Variants in MMP17 observed in about 807,000 individuals in gnomAD.
MMP17 encodes the protein matrix metallopeptidase 17, also known as matrix metalloproteinase-17.
A neutral mutation model predicts 49.1 loss-of-function variants in MMP17; 54 were observed. The ratio of observed to expected loss-of-function variants is 1.10; its 90% CI spans 0.88 to 1.38. The LOEUF is 1.38. MMP17 is among the 40% of genes most tolerant of loss of function. The pLI, the probability that MMP17 is intolerant of heterozygous loss-of-function variation, is 0.00. For synonymous variants in MMP17, 397 were observed against 383.1 expected (o/e 1.04, Z -0.42); for missense variants, 837 against 853.7 (o/e 0.98, Z 0.24).
chr12:131,841,543 C>G, intron 4 of MMP17, 81 bp from the exon 5 acceptor site: 1 of 1,452,870 alleles, frequency 6.9e-7, no homozygotes, highest in Non-Finnish European at 9.6e-7. Flanking sequence ...CACCCCAGAG[C>G]ATGGTGGGGG....
chr12:131,847,187 C>T (rs756075259), intron 8 of MMP17, among the ~76,000 whole-genome samples: 48 of 151,296 alleles, frequency 3.2e-4, no homozygotes, highest in Non-Finnish European at 5.6e-4. Context: ...CCGAGGCGGG[C>T]AGATTACAAG....
chr12:131,846,266 C>A lies in MMP17; in HGVS notation c.1204+817C>A, dbSNP rs10751702. Among the ~76,000 whole-genome samples the A allele has an allele frequency of 2.0e-5, 3 of 152,174 alleles. No homozygotes were observed. Among genetic ancestry groups the A allele is most frequent in the Non-Finnish European group, 2.9e-5 (2 of 68,036 alleles). On this transcript the variant is annotated intron_variant, in intron 8 of 9. Transcript: ENST00000360564. This position sits in a 1 kb window ranked among gnomAD's most constrained non-coding sequence, Gnocchi z 4.6. ...AGTGTCACCCTCAGCCACATCCCTC[C>A]TGCCACCGCCTCTGTCTCCACCCGG...
chr12:131,834,436 G>A (rs926817007), intron 1 of MMP17, among the ~76,000 whole-genome samples: 7 of 152,190 alleles, frequency 4.6e-5, no homozygotes, highest in African/African-American at 1.4e-4. Flanking sequence ...GCGGGTGGGC[G>A]TGGAGGGGGG....
At position 131,851,084 on chromosome 12, in the gene MMP17, GGCCCCGC is replaced by G. The variant is rs751295620; in HGVS notation, c.1628_1634del (p.Arg543LeufsTer57). ...GCTGCGGGCGTGGACGCGGCAGAGG[GGCCCCGC>G]GCCCCTCCAGGACAACATGACCAGA... is the stretch of plus-strand genomic sequence containing the variant. On this transcript the variant is annotated frameshift_variant, in exon 10 of 10. Coordinates refer to ENST00000360564, the MANE Select transcript of MMP17 (RefSeq NM_016155.7). LOFTEE classifies it low-confidence loss of function (END_TRUNC). 2 of 1,603,758 alleles carry G rather than the reference GGCCCCGC, an allele frequency of 1.2e-6. No individual in the cohort carries two copies. The highest frequency in any genetic ancestry group is 1.7e-6 in the Non-Finnish European group (2 of 1,175,750).
rs576660784 is a variant in MMP17, at chr12:131,839,461, T to G, written c.422+720T>G. On this transcript the variant is annotated intron_variant, in intron 3 of 9. Transcript: ENST00000360564. ...CCGAGTAGCTGGGACTGCAGGTGCATATGACCACACCCAGCTAATTTTTTT... is the reference window on the plus strand; with the variant it reads ...CCGAGTAGCTGGGACTGCAGGTGCAGATGACCACACCCAGCTAATTTTTTT... Among the ~76,000 whole-genome samples the G allele has an allele frequency of 1.8e-3, 280 of 151,972 alleles. 1 individual carries two copies. Among genetic ancestry groups the G allele is most frequent in the African/African-American group, 6.6e-3 (274 of 41,430 alleles).
chr12:131,838,417 T>G, intron 2 of MMP17, 90 bp downstream of exon 2: 1 of 1,516,990 alleles, frequency 6.6e-7, no homozygotes. Context: ...CACAGTCCCG[T>G]CTTATGCTTG....
chr12:131,849,194 G>T (rs1887850486), intron 8 of MMP17, among the ~76,000 whole-genome samples: 1 of 152,132 alleles, frequency 6.6e-6, no homozygotes, highest in Non-Finnish European at 1.5e-5. Flanking sequence ...GGAGAAAAGT[G>T]TATTTAACGC....
Position 131,840,738 on chromosome 12 carries a change from C to A in MMP17, c.588C>A (p.Asp196Glu), listed in dbSNP as rs1566087593. The change falls in exon 4 of 10, where the codon GAC becomes GAA. Residue 196 changes from aspartate to glutamate, a missense_variant. Transcript: ENST00000360564. ...ACTTCTCCAAGGCCGACCATAACGA[C>A]GGCTACCCCTTCGACGGCCCCGGCG... ...QIDFSKADHNDGYPFDGPGGT... is the reference protein window; with the variant it reads ...QIDFSKADHNEGYPFDGPGGT... The A allele has an allele frequency of 1.9e-6, 3 of 1,604,546 alleles. No individual in the cohort carries two copies. The highest frequency in any genetic ancestry group is 2.5e-6 in the Non-Finnish European group (3 of 1,179,906).
At chr12:131,835,466 G>A (rs1361442743) in intron 1 of MMP17, among the ~76,000 whole-genome samples, 30 of 152,242 alleles carry the variant, frequency 2.0e-4, no homozygotes, top group Admixed American at 2.0e-3. Context: ...AAATGCATGT[G>A]GCCTCGTGGC....
At chr12:131,849,577 C>T (rs1032158138) in intron 8 of MMP17, among the ~76,000 whole-genome samples, 1 of 152,204 alleles carries the variant, frequency 6.6e-6, no homozygotes, top group African/African-American at 2.4e-5. Context: ...TGGCCGGCAG[C>T]GTCCACAGGC....
rs1459890410 is a variant in MMP17, at chr12:131,838,662, C to T, written c.343C>T (p.Leu115Phe). The T allele has an allele frequency of 1.2e-6, 2 of 1,611,182 alleles. No homozygotes were observed. The change falls in exon 3 of 10, where the codon CTC becomes TTC. Residue 115 changes from leucine (L) to phenylalanine (F), a missense_variant. Coordinates refer to ENST00000360564, the MANE Select transcript of MMP17 (RefSeq NM_016155.7). ...MKTPRCSLPD[L>F]PVLTQARRRR... is the part of the protein sequence containing the mutation. The stretch of plus-strand genomic sequence containing the variant: ...AACCCCACGCTGCTCCCTGCCAGAC[C>T]TCCCTGTCCTGACCCAGGCTCGCAG...
At chr12:131,832,982 G>A (rs1341941810) in intron 1 of MMP17, among the ~76,000 whole-genome samples, 1 of 152,136 alleles carries the variant, frequency 6.6e-6, no homozygotes, top group Non-Finnish European at 1.5e-5. Context: ...CATTTCATCA[G>A]CCCTCCAGCC....
At chr12:131,829,385 C>T (rs1462118637) in intron 1 of MMP17, among the ~76,000 whole-genome samples, 1 of 152,232 alleles carries the variant, frequency 6.6e-6, no homozygotes, top group Non-Finnish European at 1.5e-5. Flanking sequence ...CAGCCCCCTC[C>T]CCTGTTCCGC....
Position 131,842,822 on chromosome 12 carries a change from G to A in MMP17, c.883+1022G>A, listed in dbSNP as rs11246847. On this transcript the variant is annotated intron_variant, in intron 5 of 9. Coordinates refer to ENST00000360564, the MANE Select transcript of MMP17 (RefSeq NM_016155.7). ...AATTTCAAGGTGTGTACTTCTATGC[G>A]TTCAGGACATTCACAAGGTTGTGTG... is the stretch of plus-strand genomic sequence containing the variant. Among the ~76,000 whole-genome samples, 7 of 151,876 alleles carry A rather than the reference G, an allele frequency of 4.6e-5. No homozygotes were observed. The East Asian group carries it at 7.8e-4, about 17-fold the overall frequency.
intron 9 of MMP17, 54 bp from the exon 10 acceptor site, chr12:131,850,871 G>C: frequency 1.5e-6 from 2 of 1,345,250 alleles, no homozygotes; most frequent in East Asian, 2.9e-5. Flanking sequence ...TGTCCGGCTC[G>C]AGCCCCTCCT....
chr12:131,833,143 T>G (rs1886911909), intron 1 of MMP17, among the ~76,000 whole-genome samples: 1 of 152,240 alleles, frequency 6.6e-6, no homozygotes, highest in African/African-American at 2.4e-5. Flanking sequence ...TTCATAAGGT[T>G]AACCCTCAGT....
At chr12:131,841,397 C>G (rs534797259) in intron 4 of MMP17, among the ~76,000 whole-genome samples, 4 of 152,318 alleles carry the variant, frequency 2.6e-5, no homozygotes, top group East Asian at 3.9e-4. Context: ...GGTTATCAGC[C>G]GCTCCATGAA....
chr12:131,838,114 C>A, intron 1 of MMP17, 81 bp from the exon 2 acceptor site: 1 of 1,485,530 alleles, frequency 6.7e-7, no homozygotes, highest in Non-Finnish European at 9.0e-7. Flanking sequence ...TGCCCGGAAG[C>A]AGTGGTGGCC....
Position 131,828,478 on chromosome 12 carries a change from G to C in MMP17, c.-17G>C. ...GCGCGGGACCCTGCACGCCGCCCGC[G>C]GGCCCATGTGAGCGCCATGCGGCGC... On this transcript the variant is annotated 5_prime_UTR_variant, in exon 1 of 10. Coordinates refer to ENST00000360564, the MANE Select transcript of MMP17 (RefSeq NM_016155.7). 1 of 991,738 alleles carries C rather than the reference G, an allele frequency of 1.0e-6. No individual in the cohort carries two copies. The allele number at this position is 991,738 out of a possible 1,614,324, so 61.4% of individuals were successfully genotyped here. A position where few individuals can be genotyped will look rare whatever the true frequency, so the allele number is the denominator to read the frequency against.
Sources: allele counts gnomAD v4.1 joint callset (sites outside exome capture counted in the v4.1 genomes callset), GRCh38; gene constraint gnomAD v4.1.1; non-coding constraint Gnocchi (gnomAD v3.1); transcripts MANE v1.5; gene names NCBI Gene and HGNC (gene_info 2026-07-23, HGNC 2026-07-21).